PHLPP1: variants seen among roughly 807,000 people sequenced by gnomAD.
The protein encoded by PHLPP1 is PH domain and leucine rich repeat protein phosphatase 1.
A neutral mutation model predicts 117.2 loss-of-function variants in PHLPP1; 42 were observed. The ratio of observed to expected loss-of-function variants is 0.36; its 90% confidence interval spans 0.28 to 0.46. The LOEUF (loss-of-function observed/expected upper bound fraction) is 0.46. Ranked by LOEUF, PHLPP1 falls within the 20% of genes least tolerant of loss-of-function variation. The probability of loss-of-function intolerance (pLI) is 1.00; values close to 1 mark genes in which losing one functional copy is unlikely to be tolerated. For missense variants in PHLPP1, 2,084 were observed against 2,241.9 expected (o/e 0.93, Z 1.42); for synonymous variants, 1,042 against 970.7 (o/e 1.07, Z -1.37).
chr18:62,728,207 A>G (rs1293902088), intron 1 of PHLPP1, among the ~76,000 whole-genome samples: 1 of 151,868 alleles, frequency 6.6e-6, no homozygotes, highest in Non-Finnish European at 1.5e-5. Flanking sequence ...AGGCAGAAGA[A>G]TCACTTGAGT....
At chr18:62,772,830 C>CAAAA (rs59776161) in intron 1 of PHLPP1, among the ~76,000 whole-genome samples, 4 of 61,044 alleles carry the variant, frequency 6.6e-5, no homozygotes, top group South Asian at 5.7e-4. Context: ...GACTCTTTCT[C>CAAAA]AAAAAAAAAA....
At chr18:62,824,691 G>A (rs190649864) in intron 1 of PHLPP1, among the ~76,000 whole-genome samples, 108 of 152,144 alleles carry the variant, frequency 7.1e-4, no homozygotes, top group African/African-American at 2.6e-3. Flanking sequence ...ATCATAGAAA[G>A]CATTTTGCAA....
rs190579690 is a variant in PHLPP1, at chr18:62,722,642, G to T, written c.1576+5383G>T. 5.9e-4 allele frequency among the ~76,000 whole-genome samples: 90 copies of T among 151,940 alleles called. 2 individuals carry two copies. The highest frequency in any genetic ancestry group is 5.8e-3 in the Admixed American group (88 of 15,252). ...CAAACCCTTTTTTATACTTACCTTT[G>T]GCTTTCTAAAGATAATATAATTAAA... On this transcript the variant is annotated intron_variant, in intron 1 of 16. Transcript: ENST00000262719.
chr18:62,874,618 G>A (rs534902245), intron 4 of PHLPP1, among the ~76,000 whole-genome samples: 15 of 152,240 alleles, frequency 9.9e-5, no homozygotes, highest in Middle Eastern at 3.4e-3. Flanking sequence ...CCAGCCCTGG[G>A]TAGGACAGCA....
intron 1 of PHLPP1, among the ~76,000 whole-genome samples, chr18:62,813,108 A>G (rs928208845): frequency 1.3e-5 from 2 of 152,216 alleles, no homozygotes; most frequent in Admixed American, 6.5e-5. Context: ...TGCAAATTTC[A>G]AATATGTTTT....
intron 13 of PHLPP1, among the ~76,000 whole-genome samples, chr18:62,958,972 T>C (rs1910695985): frequency 6.6e-6 from 1 of 152,240 alleles, no homozygotes; most frequent in Admixed American, 6.5e-5. Flanking sequence ...TGACAGTTAA[T>C]GCAAATATTA....
At chr18:62,875,346 T>C (rs1916021116) in intron 4 of PHLPP1, among the ~76,000 whole-genome samples, 1 of 152,208 alleles carries the variant, frequency 6.6e-6, no homozygotes, top group Non-Finnish European at 1.5e-5. Flanking sequence ...CTTAACATTC[T>C]CCTTTGGATA....
At chr18:62,725,643 A>C (rs989971154) in intron 1 of PHLPP1, among the ~76,000 whole-genome samples, 8 of 152,174 alleles carry the variant, frequency 5.3e-5, no homozygotes, top group African/African-American at 1.9e-4. Context: ...AAAAAGAGAG[A>C]GAGAGAGAGA....
At chr18:62,964,417 G>A (rs1910851316) in intron 14 of PHLPP1, among the ~76,000 whole-genome samples, 1 of 152,154 alleles carries the variant, frequency 6.6e-6, no homozygotes, top group East Asian at 1.9e-4. Flanking sequence ...AAAATAAAAG[G>A]TTTGGAATTG....
In PHLPP1 at chr18:62,945,215, G is replaced by A. The variant is rs778881945; in HGVS notation, c.3268G>A (p.Ala1090Thr). 1 of 1,612,456 alleles carries A rather than the reference G, an allele frequency of 6.2e-7. No homozygotes were observed. The highest frequency in any genetic ancestry group is 8.5e-7 in the Non-Finnish European group (1 of 1,179,300). Residue 1090 changes from alanine to threonine, a missense_variant, in exon 12 of 17, where the codon GCT becomes ACT. By Grantham distance (58) the Ala-to-Thr change is moderately conservative. Coordinates refer to ENST00000262719, the MANE Select transcript of PHLPP1 (RefSeq NM_194449.4). Reference protein sequence around the residue: ...MNCRRMHTVIAHSNCIEVFPE... With the variant: ...MNCRRMHTVITHSNCIEVFPE... Reference sequence around the variant, plus strand: ...TTGCAGGCGCATGCACACCGTGATTGCTCACTCCAACTGCATCGAGGTCTT... The same window carrying A: ...TTGCAGGCGCATGCACACCGTGATTACTCACTCCAACTGCATCGAGGTCTT...
chr18:62,727,100 C>T lies in PHLPP1; in HGVS notation c.1576+9841C>T, dbSNP rs186156492. On this transcript the variant is annotated intron_variant, in intron 1 of 16. Transcript: ENST00000262719. ...AAAATTAGCTGGGCATGGTGGCAGG[C>T]ACCTGTAATCCCAGCTACTCGGGAG... 9.4e-4 allele frequency among the ~76,000 whole-genome samples: 142 copies of T among 151,392 alleles called. No individual in the cohort carries two copies. The Middle Eastern group carries it at 0.014, about 15-fold the overall frequency.
At chr18:62,912,769 A>G (rs532274644) in intron 8 of PHLPP1, among the ~76,000 whole-genome samples, 41 of 152,156 alleles carry the variant, frequency 2.7e-4, no homozygotes, top group Admixed American at 4.6e-4. Context: ...ACAGGCACAC[A>G]CCACCATGCC....
intron 2 of PHLPP1, among the ~76,000 whole-genome samples, chr18:62,831,379 C>G (rs569423583): frequency 4.3e-4 from 65 of 151,182 alleles, no homozygotes; most frequent in Non-Finnish European, 8.1e-4. Flanking sequence ...GCTCTGTTTC[C>G]CAGGCTGGAG....
At position 62,716,985 on chromosome 18, in the gene PHLPP1, G is replaced by T. The variant is rs1486657829; in HGVS notation, c.1302G>T (p.Ser434=). The T allele has an allele frequency of 1.9e-6, 3 of 1,541,838 alleles. No individual in the cohort carries two copies. Among genetic ancestry groups the T allele is most frequent in the African/African-American group, 1.4e-5 (1 of 72,896 alleles). ...DSPGGAVREG[S]CEEKAAAAVA... ...CGGGCGGGGCCGTCCGCGAGGGGTCGTGCGAGGAGAAGGCAGCGGCAGCCG... is the reference window on the plus strand; with the variant it reads ...CGGGCGGGGCCGTCCGCGAGGGGTCTTGCGAGGAGAAGGCAGCGGCAGCCG... The change falls in exon 1 of 17, where the codon TCG becomes TCT. Residue 434 remains serine, a synonymous_variant. Coordinates refer to ENST00000262719, the MANE Select transcript of PHLPP1 (RefSeq NM_194449.4). This position sits in a 1 kb window ranked among gnomAD's most constrained non-coding sequence, Gnocchi z 5.7.
chr18:62,883,512 A>G (rs1180569428), intron 4 of PHLPP1, among the ~76,000 whole-genome samples: 1 of 152,212 alleles, frequency 6.6e-6, no homozygotes, highest in East Asian at 1.9e-4. Flanking sequence ...ATTTTTGCCC[A>G]TTAGATTGGC....
At chr18:62,940,756 A>G (rs923482595) in intron 10 of PHLPP1, among the ~76,000 whole-genome samples, 2 of 152,238 alleles carry the variant, frequency 1.3e-5, no homozygotes, top group Non-Finnish European at 2.9e-5. Flanking sequence ...TAAGTACAAT[A>G]TAAATACAGA....
chr18:62,716,536 A>T lies in PHLPP1; in HGVS notation c.853A>T (p.Arg285Trp). The change falls in exon 1 of 17, where the codon AGG becomes TGG. Residue 285 changes from arginine (R) to tryptophan (W), a missense_variant. Around this residue, in one of 2 missense-constraint regions of PHLPP1, gnomAD observed 719 missense variants for 636.0 expected, o/e 1.13. Coordinates refer to ENST00000262719, the MANE Select transcript of PHLPP1 (RefSeq NM_194449.4). The surrounding 1 kb of genome is among the most constrained non-coding windows in gnomAD (Gnocchi z 5.7). ...GCGGGACTCGGAGGTACCGCCCGCG[A>T]GGAGCGCGCCGGGTGCCTTCGGGGG... Reference protein sequence around the residue: ...EPRDSEVPPARSAPGAFGGPP... With the variant: ...EPRDSEVPPAWSAPGAFGGPP... The T allele has an allele frequency of 1.7e-6, 2 of 1,181,562 alleles. No homozygotes were observed. The highest frequency in any genetic ancestry group is 4.2e-5 in the South Asian group (1 of 23,962). The allele number at this position is 1,181,562 out of a possible 1,614,324, so 73.2% of individuals were successfully genotyped here.
intron 1 of PHLPP1, among the ~76,000 whole-genome samples, chr18:62,719,261 A>G (rs187343304): frequency 1.3e-5 from 2 of 152,322 alleles, no homozygotes; most frequent in African/African-American, 4.8e-5. Flanking sequence ...AAAATGCCTG[A>G]TTGTTGCGAA....
At chr18:62,845,675 T>G (rs35950916) in intron 3 of PHLPP1, among the ~76,000 whole-genome samples, 8,644 of 152,274 alleles carry the variant, frequency 0.057, 341 homozygotes, top group Middle Eastern at 0.088. Flanking sequence ...ATTTTGCCTC[T>G]TAACTTGAAG....
Sources: allele counts gnomAD v4.1 joint callset (sites outside exome capture counted in the v4.1 genomes callset), GRCh38; gene constraint gnomAD v4.1.1; regional missense constraint gnomAD v4.1.1; non-coding constraint Gnocchi (gnomAD v3.1); transcripts MANE v1.5; gene names NCBI Gene and HGNC (gene_info 2026-07-23, HGNC 2026-07-21).